SLC23A2: variants seen among roughly 807,000 people sequenced by gnomAD.
SLC23A2 encodes solute carrier family 23 member 2, also known as Na(+)/L-ascorbic acid transporter 2.
A neutral mutation model predicts 73.3 loss-of-function variants in SLC23A2; 36 were observed. The observed-to-expected ratio is 0.49, with a 90% CI of 0.38 to 0.65. The LOEUF (loss-of-function observed/expected upper bound fraction) is 0.65. SLC23A2 is among the 30% of genes least tolerant of loss of function. The pLI is 0.00. For missense variants in SLC23A2, 507 were observed against 841.6 expected (o/e 0.60, Z 4.92); for synonymous variants, 343 against 327.3 (o/e 1.05, Z -0.52).
At chr20:4,984,315 G>A (rs1219647284) in intron 1 of SLC23A2, among the ~76,000 whole-genome samples, 1 of 151,944 alleles carries the variant, frequency 6.6e-6, no homozygotes, top group Non-Finnish European at 1.5e-5. Flanking sequence ...AGCACTTTGG[G>A]AGGCCGAGGC....
At chr20:5,001,623 G>T (rs1355217984), upstream of SLC23A2, 3 of 149,630 alleles carry the variant, frequency 2.0e-5, no homozygotes, top group African/African-American at 7.3e-5. Flanking sequence ...CTCCCCCCGG[G>T]GAGGGGCTGC....
intron 2 of SLC23A2, among the ~76,000 whole-genome samples, chr20:4,938,334 CT>C (rs752802054): frequency 0.067 from 8,426 of 124,890 alleles, 352 homozygotes; most frequent in African/African-American, 0.16. Flanking sequence ...CTCATTCCAT[CT>C]TTTTTTTTTT....
In SLC23A2 at chr20:4,998,294, G is replaced by C. The variant is rs985732622; in HGVS notation, c.-282+3112C>G. Among the ~76,000 whole-genome samples, 2 of 152,070 alleles carry C rather than the reference G, an allele frequency of 1.3e-5. No individual in the cohort carries two copies. Among genetic ancestry groups the C allele is most frequent in the Non-Finnish European group, 2.9e-5 (2 of 68,028 alleles). On this transcript the variant is annotated intron_variant, in intron 1 of 16. Coordinates refer to ENST00000338244, the MANE Select transcript of SLC23A2 (RefSeq NM_005116.6). This position sits in a 1 kb window ranked among gnomAD's most constrained non-coding sequence, Gnocchi z 4.1. The stretch of plus-strand genomic sequence containing the variant: ...TGGGAATCTCCCTGCAGCATCCCAA[G>C]CACCAAGAATATTACCCAGCACAGA...
At chr20:4,985,842 G>A (rs1407097052) in intron 1 of SLC23A2, among the ~76,000 whole-genome samples, 1 of 152,162 alleles carries the variant, frequency 6.6e-6, no homozygotes, top group Non-Finnish European at 1.5e-5. Context: ...TGGGTGAAAA[G>A]GGGAGAAGGG....
chr20:4,928,206 A>G (rs1459539359), intron 3 of SLC23A2, among the ~76,000 whole-genome samples: 1 of 151,988 alleles, frequency 6.6e-6, no homozygotes, highest in Non-Finnish European at 1.5e-5. Flanking sequence ...CGTCCAGCTA[A>G]TTTTTAAATT....
intron 2 of SLC23A2, among the ~76,000 whole-genome samples, chr20:4,970,386 G>A (rs2087542548): frequency 6.6e-6 from 1 of 152,128 alleles, no homozygotes; most frequent in Admixed American, 6.6e-5. Flanking sequence ...ACAAAGGTAA[G>A]GTCAAGTACA....
chr20:4,971,536 T>C (rs1372592754), intron 1 of SLC23A2, among the ~76,000 whole-genome samples: 2 of 149,988 alleles, frequency 1.3e-5, no homozygotes, highest in Non-Finnish European at 3.0e-5. Context: ...GGTTCACACC[T>C]GTAGGGAGGC....
intron 1 of SLC23A2, among the ~76,000 whole-genome samples, chr20:5,006,756 G>T (rs1278230193): frequency 1.3e-5 from 2 of 151,844 alleles, no homozygotes; most frequent in Non-Finnish European, 2.9e-5. Context: ...GGCCAGGCTG[G>T]TCTCAAACTC....
chr20:4,913,608 TTTGTTGTTGTTG>T lies in SLC23A2; in HGVS notation c.109-642_109-631del, dbSNP rs72552235. ...ATAACTAGTTTTTGTTTTTTTAGGT[TTTGTTGTTGTTG>T]TTGTTGTTGTTTCGTTTTGTTTTTG... is the stretch of plus-strand genomic sequence containing the variant. On this transcript the variant is annotated intron_variant, in intron 3 of 16. Coordinates refer to ENST00000338244, the MANE Select transcript of SLC23A2 (RefSeq NM_005116.6). Among the ~76,000 whole-genome samples the T allele has an allele frequency of 2.0e-5, 3 of 151,852 alleles. No individual in the cohort carries two copies. In the South Asian group the frequency reaches 6.2e-4, roughly 32 times the overall value.
At chr20:4,925,376 T>C (rs1308568323) in intron 3 of SLC23A2, among the ~76,000 whole-genome samples, 1 of 152,180 alleles carries the variant, frequency 6.6e-6, no homozygotes, top group African/African-American at 2.4e-5. Context: ...CTGATTTATT[T>C]TTCTTCACAG....
In SLC23A2 at chr20:4,868,804, C is replaced by T. The variant is rs936421817; in HGVS notation, c.1251-929G>A. On this transcript the variant is annotated intron_variant, in intron 12 of 16. Transcript: ENST00000338244. The surrounding 1 kb of genome is among the most constrained non-coding windows in gnomAD (Gnocchi z 4.4). The stretch of plus-strand genomic sequence containing the variant: ...GAGGGGATCTGGGCTGTTTTCTTTT[C>T]TCTGCAGACTCCTCAGGGGCAATCA... 1.3e-5 allele frequency among the ~76,000 whole-genome samples: 2 copies of T among 152,132 alleles called. No individual in the cohort carries two copies. The highest frequency in any genetic ancestry group is 1.3e-4 in the Admixed American group (2 of 15,270).
intron 13 of SLC23A2, among the ~76,000 whole-genome samples, chr20:4,865,888 A>G (rs1351254860): frequency 6.6e-6 from 1 of 151,984 alleles, no homozygotes. Flanking sequence ...GCTGGAGTGC[A>G]GTGGCATGAT....
At chr20:4,894,037 G>A (rs1247111275) in intron 6 of SLC23A2, among the ~76,000 whole-genome samples, 2 of 152,186 alleles carry the variant, frequency 1.3e-5, no homozygotes, top group South Asian at 2.1e-4. Context: ...CTGGCTAGGG[G>A]ACTCTCAAAA....
At chr20:4,943,289 C>T (rs1028702383) in intron 2 of SLC23A2, among the ~76,000 whole-genome samples, 1 of 152,016 alleles carries the variant, frequency 6.6e-6, no homozygotes, top group Non-Finnish European at 1.5e-5. Context: ...CCACACTTCT[C>T]CAAAAGGATA....
intron 3 of SLC23A2, among the ~76,000 whole-genome samples, chr20:4,927,101 A>G (rs1195299608): frequency 6.6e-6 from 1 of 152,104 alleles, no homozygotes; most frequent in Non-Finnish European, 1.5e-5. Flanking sequence ...CCTAACCAGC[A>G]AGCAGAGATG....
intron 8 of SLC23A2, 87 bp downstream of exon 8, chr20:4,884,666 A>G: frequency 1.2e-6 from 1 of 854,140 alleles, no homozygotes; most frequent in East Asian, 2.4e-5. Context: ...GGGCTCAGTA[A>G]AAGTAACTGC....
At chr20:4,990,154 GAAAT>G (rs1309720163) in intron 1 of SLC23A2, among the ~76,000 whole-genome samples, 2 of 152,130 alleles carry the variant, frequency 1.3e-5, no homozygotes, top group Non-Finnish European at 2.9e-5. Flanking sequence ...GTGTGAGCAA[GAAAT>G]AAATGTTTTC....
intron 1 of SLC23A2, among the ~76,000 whole-genome samples, chr20:4,991,287 T>C (rs891350270): frequency 6.6e-6 from 1 of 151,884 alleles, no homozygotes; most frequent in South Asian, 2.1e-4. Flanking sequence ...CTTTAAAAAT[T>C]TTTGCAGACA....
chr20:4,973,824 C>T (rs1051151720), intron 1 of SLC23A2, among the ~76,000 whole-genome samples: 1 of 152,130 alleles, frequency 6.6e-6, no homozygotes, highest in African/African-American at 2.4e-5. Context: ...CATCAAGGCC[C>T]GCTGAACTCT....
Sources: gnomAD v4.1 joint callset for allele counts (sites outside exome capture counted in the v4.1 genomes callset) on GRCh38, gnomAD v4.1.1 for gene constraint, Gnocchi (gnomAD v3.1) non-coding constraint, MANE v1.5 for transcripts, NCBI Gene and HGNC (gene_info 2026-07-23, HGNC 2026-07-21) for gene names.